Variants in KTN1 observed in about 807,000 individuals in gnomAD.
KTN1 encodes the protein kinectin.
Under a neutral mutation model 222.5 loss-of-function variants are expected in KTN1, and 130 were observed. That is an observed-to-expected ratio of 0.58 (90% CI 0.51 to 0.68). KTN1 has a LOEUF of 0.68. KTN1 is among the 30% of genes least tolerant of loss of function. The probability of loss-of-function intolerance (pLI) is 0.00; values close to 1 mark genes in which losing one functional copy is unlikely to be tolerated. For synonymous variants in KTN1, 512 were observed against 496.3 expected (o/e 1.03, Z -0.42); for missense variants, 1,508 against 1,500.4 (o/e 1.01, Z -0.08).
chr14:55,602,685 G>A (rs893003261), intron 1 of KTN1, among the ~76,000 whole-genome samples: 2 of 151,614 alleles, frequency 1.3e-5, no homozygotes, highest in African/African-American at 2.4e-5. Flanking sequence ...GTGCTCAAGC[G>A]ATCTTTCTGC....
intron 25 of KTN1, 93 bp downstream of exon 25, chr14:55,652,020 G>A: frequency 1.2e-6 from 1 of 824,792 alleles, no homozygotes; most frequent in Non-Finnish European, 1.9e-6. Context: ...ATTTCAAGTG[G>A]TGTTTTAGAA....
At chr14:55,596,337 A>G (rs1339641379) in intron 1 of KTN1, among the ~76,000 whole-genome samples, 4 of 151,930 alleles carry the variant, frequency 2.6e-5, no homozygotes, top group African/African-American at 7.3e-5. Context: ...TTTTCCCCCT[A>G]ACTCTTAGGC....
At chr14:55,629,446 G>C (rs1278978849) in intron 6 of KTN1, among the ~76,000 whole-genome samples, 1 of 142,454 alleles carries the variant, frequency 7.0e-6, no homozygotes, top group African/African-American at 2.6e-5. Context: ...AAAAAGATTT[G>C]ACTTAGGAAG....
At chr14:55,644,484 A>T in intron 18 of KTN1, 1 of 687,642 alleles carries the variant, frequency 1.5e-6, no homozygotes, top group East Asian at 2.7e-5. Flanking sequence ...GGAAGGCTGC[A>T]TTTGGATTTA....
chr14:55,637,063 T>C, intron 10 of KTN1, 135 bp from the exon 11 acceptor site: 2 of 591,466 alleles, frequency 3.4e-6, no homozygotes, highest in South Asian at 5.3e-5. Context: ...TATAGCCTGC[T>C]ACAGGAGCAT....
At chr14:55,672,123 T>TA in intron 37 of KTN1, 1 of 400,900 alleles carries the variant, frequency 2.5e-6, no homozygotes, top group African/African-American at 2.0e-5. Context: ...GAATGCTAGT[T>TA]ACAGAACTAT....
At chr14:55,583,993 A>T (rs1328279605) in intron 1 of KTN1, among the ~76,000 whole-genome samples, 1 of 152,202 alleles carries the variant, frequency 6.6e-6, no homozygotes, top group East Asian at 1.9e-4. Context: ...AGCCTGGTGC[A>T]AGCCATTCTT....
Position 55,632,500 on chromosome 14 carries a change from G to A in KTN1, c.1222-735G>A, listed in dbSNP as rs146437410. ...ATCCAAAATTTAAAAATTAGAAGAA[G>A]AAAGTTAGAGTGGTGGTCGCCAGGG... On this transcript the variant is annotated intron_variant, in intron 7 of 43. Coordinates refer to ENST00000395314, the MANE Select transcript of KTN1 (RefSeq NM_001079521.2). Among the ~76,000 whole-genome samples, 516 of 152,246 alleles carry A rather than the reference G, an allele frequency of 3.4e-3. 3 individuals are homozygous for A. Among genetic ancestry groups the A allele is most frequent in the Middle Eastern group, 0.014 (4 of 294 alleles).
intron 2 of KTN1, among the ~76,000 whole-genome samples, chr14:55,613,638 C>T (rs2037928212): frequency 2.3e-5 from 3 of 130,644 alleles, no homozygotes; most frequent in African/African-American, 8.2e-5. Context: ...GAATTATAGG[C>T]GTGTATTTTT....
intron 31 of KTN1, among the ~76,000 whole-genome samples, chr14:55,661,001 C>T (rs912123439): frequency 2.0e-5 from 3 of 152,096 alleles, no homozygotes; most frequent in African/African-American, 7.2e-5. Flanking sequence ...TTGCCTTCTG[C>T]GTTTCTGGGA....
At chr14:55,583,164 T>C (rs2032118830) in intron 1 of KTN1, among the ~76,000 whole-genome samples, 1 of 152,222 alleles carries the variant, frequency 6.6e-6, no homozygotes, top group South Asian at 2.1e-4. Flanking sequence ...TAATTTAACC[T>C]TCTGTATCTG....
chr14:55,663,527 A>G lies in KTN1; in HGVS notation c.3091-428A>G, dbSNP rs192352039. On this transcript the variant is annotated intron_variant, in intron 32 of 43. Transcript: ENST00000395314. The stretch of plus-strand genomic sequence containing the variant: ...TTAAACCATAGAGAAAAAACGTTAC[A>G]CTGCAGTGGAAAGTCCTATGAGTGT... 5.2e-3 allele frequency: 861 copies of G among 164,258 alleles called. 4 individuals are homozygous for G. Among genetic ancestry groups the G allele is most frequent in the Non-Finnish European group, 8.2e-3 (619 of 75,680 alleles). The allele number at this position is 164,258 out of a possible 1,614,324, so 10.2% of individuals were successfully genotyped here. A position where few individuals can be genotyped will look rare whatever the true frequency, so the allele number is the denominator to read the frequency against.
At chr14:55,664,663 C>A (rs2044504209) in intron 33 of KTN1, among the ~76,000 whole-genome samples, 1 of 152,034 alleles carries the variant, frequency 6.6e-6, no homozygotes, top group Admixed American at 6.6e-5. Flanking sequence ...AATATATAGC[C>A]CCCTCTGTCT....
chr14:55,587,398 A>G (rs951156089), intron 1 of KTN1, among the ~76,000 whole-genome samples: 1 of 152,188 alleles, frequency 6.6e-6, no homozygotes, highest in East Asian at 1.9e-4. Context: ...TCAGTAATGT[A>G]AGTGTTCTGA....
At chr14:55,646,798 CTT>C (rs749384248) in intron 18 of KTN1, among the ~76,000 whole-genome samples, 173 bp from the exon 19 acceptor site, 14 of 151,640 alleles carry the variant, frequency 9.2e-5, no homozygotes, top group Admixed American at 5.3e-4. Flanking sequence ...AGATGTATCT[CTT>C]TGTTTTGTGT....
chr14:55,662,969 G>T (rs1419142949), intron 32 of KTN1: 1 of 455,938 alleles, frequency 2.2e-6, no homozygotes, highest in Non-Finnish European at 4.4e-6. Flanking sequence ...AAAAGAGCCA[G>T]GACACTGGAG....
At chr14:55,632,056 ATGC>A (rs2140922589) in intron 7 of KTN1, among the ~76,000 whole-genome samples, 1 of 152,278 alleles carries the variant, frequency 6.6e-6, no homozygotes, top group South Asian at 2.1e-4. Flanking sequence ...GAAGTGAATG[ATGC>A]TGTTTTCATG....
At chr14:55,643,987 AG>A (rs1406177995) in intron 18 of KTN1, among the ~76,000 whole-genome samples, 2 of 152,166 alleles carry the variant, frequency 1.3e-5, no homozygotes, top group Non-Finnish European at 2.9e-5. Context: ...TTATTTGATA[AG>A]GGGGAAACTC....
intron 9 of KTN1, among the ~76,000 whole-genome samples, chr14:55,635,495 C>T (rs559889997): frequency 6.6e-6 from 1 of 152,254 alleles, no homozygotes; most frequent in African/African-American, 2.4e-5. Context: ...GGCTTGCACT[C>T]GACCCATGAT....
Sources: allele counts gnomAD v4.1 joint callset (sites outside exome capture counted in the v4.1 genomes callset), GRCh38; gene constraint gnomAD v4.1.1; transcripts MANE v1.5; gene names NCBI Gene and HGNC (gene_info 2026-07-23, HGNC 2026-07-21).